TRPM3: variants seen among roughly 807,000 people sequenced by gnomAD.
TRPM3 encodes the protein long transient receptor potential channel 3.
In TRPM3, 77 loss-of-function variants were observed where a neutral mutation model predicts 181.2. The observed-to-expected ratio is 0.42, with a 90% CI of 0.35 to 0.51. The LOEUF is 0.51. Ranked by LOEUF, TRPM3 falls within the 20% of genes least tolerant of loss-of-function variation. TRPM3 has a pLI of 0.01. For synonymous variants in TRPM3, 745 were observed against 796.4 expected, an observed-to-expected ratio of 0.94 and a Z score of 1.09; for missense variants, 1,759 against 2,196.7, an observed-to-expected ratio of 0.80 and a Z score of 3.98.
At chr9:71,001,697 T>C (rs964098751) in intron 1 of TRPM3, among the ~76,000 whole-genome samples, 1 of 152,230 alleles carries the variant, frequency 6.6e-6, no homozygotes. Flanking sequence ...AGAAAATCAC[T>C]GTAACTGAAG....
intron 1 of TRPM3, among the ~76,000 whole-genome samples, chr9:71,227,188 T>A: frequency 7.3e-6 from 1 of 136,616 alleles, no homozygotes; most frequent in Non-Finnish European, 1.6e-5. Flanking sequence ...TAGAAATCAA[T>A]AACAAGAAGA....
At chr9:71,176,693 A>G (rs915581274) in intron 1 of TRPM3, among the ~76,000 whole-genome samples, 1 of 152,080 alleles carries the variant, frequency 6.6e-6, no homozygotes, top group South Asian at 2.1e-4. Context: ...ACTCACCCAG[A>G]GCAACTTCCA....
At chr9:70,782,794 T>TA (rs1418029493) in intron 7 of TRPM3, among the ~76,000 whole-genome samples, 1 of 151,870 alleles carries the variant, frequency 6.6e-6, no homozygotes. Context: ...TTATTATTAT[T>TA]TTTTGGTTTC....
chr9:71,138,065 G>A (rs1275542676), intron 1 of TRPM3, among the ~76,000 whole-genome samples: 1 of 151,640 alleles, frequency 6.6e-6, no homozygotes, highest in Non-Finnish European at 1.5e-5. Context: ...AGTGAGCCGA[G>A]ATCTTGCCAC....
chr9:71,218,567 C>T lies in TRPM3; in HGVS notation c.183+228086G>A, dbSNP rs546764026. 2.0e-4 allele frequency among the ~76,000 whole-genome samples: 31 copies of T among 152,266 alleles called. No homozygotes were observed. The South Asian group carries it at 6.4e-3, about 32-fold the overall frequency. On this transcript the variant is annotated intron_variant, in intron 1 of 24. Transcript: ENST00000357533. ...AGTGAATTTAATTTTCCATTATAGA[C>T]ATTGCATCCTTCATTTGGCTATCTG... is the stretch of plus-strand genomic sequence containing the variant.
intron 1 of TRPM3, among the ~76,000 whole-genome samples, chr9:70,884,880 G>T (rs866515648): frequency 6.6e-6 from 1 of 152,056 alleles, no homozygotes; most frequent in Non-Finnish European, 1.5e-5. Context: ...CTGGTCCCTC[G>T]CTCATAGATT....
chr9:71,172,580 A>AT (rs986271589), intron 1 of TRPM3, among the ~76,000 whole-genome samples: 10 of 151,858 alleles, frequency 6.6e-5, no homozygotes, highest in Non-Finnish European at 1.3e-4. Flanking sequence ...CTAACTTTTT[A>AT]TTTTTTGTAG....
intron 1 of TRPM3, among the ~76,000 whole-genome samples, chr9:71,233,416 A>G (rs542788679): frequency 6.6e-6 from 1 of 152,336 alleles, no homozygotes; most frequent in South Asian, 2.1e-4. Flanking sequence ...AAAATTATAT[A>G]CAGTTATCTT....
intron 1 of TRPM3, among the ~76,000 whole-genome samples, chr9:71,148,282 C>T (rs1054896290): frequency 6.6e-6 from 1 of 152,082 alleles, no homozygotes; most frequent in Non-Finnish European, 1.5e-5. Context: ...AAATAGTTCT[C>T]TAATTACTAG....
chr9:70,959,709 C>A (rs2097117509), intron 1 of TRPM3, among the ~76,000 whole-genome samples: 2 of 152,284 alleles, frequency 1.3e-5, no homozygotes, highest in South Asian at 4.1e-4. Context: ...AAAACTCAAA[C>A]CACCACAAAA....
Position 70,748,760 on chromosome 9 carries a change from C to T in TRPM3, c.1272+12841G>A, listed in dbSNP as rs79805356. Among the ~76,000 whole-genome samples the T allele has an allele frequency of 6.5e-3, 983 of 152,214 alleles. 16 individuals are homozygous for T. The highest frequency in any genetic ancestry group is 0.023 in the African/African-American group (939 of 41,538). ...ACTGTCCAGCCTCCAGAACTGTGAA[C>T]AATAAATCTCTGTTGTTTATAAACT... On this transcript the variant is annotated intron_variant, in intron 8 of 25. Transcript: ENST00000677713.
intron 1 of TRPM3, among the ~76,000 whole-genome samples, chr9:71,190,193 C>T (rs72733813): frequency 0.029 from 4,458 of 151,868 alleles, 99 homozygotes; most frequent in Non-Finnish European, 0.042. Flanking sequence ...CACATAGCTG[C>T]GCAATGTGGG....
chr9:70,599,404 GAAC>G (rs1302777033), intron 20 of TRPM3, among the ~76,000 whole-genome samples: 16 of 151,964 alleles, frequency 1.1e-4, no homozygotes, highest in South Asian at 8.3e-4. Context: ...GGAGACAAAT[GAAC>G]AACAACAACA....
In TRPM3 at chr9:70,531,298, G is replaced by T. The variant is rs1488194570; in HGVS notation, c.*4655C>A. The T allele has an allele frequency of 2.0e-5, 3 of 152,108 alleles. No individual in the cohort carries two copies. Among genetic ancestry groups the T allele is most frequent in the Admixed American group, 2.0e-4 (3 of 15,266 alleles). 9.4% of individuals were successfully genotyped at this position (152,108 alleles called of 1,614,324 possible). A position where few individuals can be genotyped will look rare whatever the true frequency, so the allele number is the denominator to read the frequency against. Reference sequence around the variant, plus strand: ...TTATTTGTTCAGTGCTTAAAAAAAAGATTTAAAAATCCCTTGGTTACTTTT... The same window carrying T: ...TTATTTGTTCAGTGCTTAAAAAAAATATTTAAAAATCCCTTGGTTACTTTT... On this transcript the variant is annotated 3_prime_UTR_variant, in exon 26 of 26. Transcript: ENST00000677713.
intron 1 of TRPM3, among the ~76,000 whole-genome samples, chr9:71,069,723 C>T (rs1456449173): frequency 2.6e-5 from 4 of 151,944 alleles, no homozygotes; most frequent in South Asian, 2.1e-4. Flanking sequence ...ATTCTCCTGC[C>T]TCAGCCTCCC....
rs1176165480 is a variant in TRPM3, at chr9:70,619,958, G to GTT, written c.2129+117_2129+118insAA. On this transcript the variant is annotated intron_variant, in intron 16 of 25. Transcript: ENST00000677713. ...AATTGTTTGTGTCCATCCTGTGTGTGCATCACTGGGGTGATACTGATTTCC... is the reference window on the plus strand; with the variant it reads ...AATTGTTTGTGTCCATCCTGTGTGTGTTCATCACTGGGGTGATACTGATTTCC... The GTT allele has an allele frequency of 6.4e-6, 6 of 936,488 alleles. No individual in the cohort carries two copies. In the East Asian group the frequency reaches 1.5e-4, roughly 24 times the overall value. The allele number at this position is 936,488 out of a possible 1,614,324, so 58.0% of individuals were successfully genotyped here.
intron 1 of TRPM3, among the ~76,000 whole-genome samples, chr9:70,927,699 C>A (rs2096734631): frequency 6.6e-6 from 1 of 152,108 alleles, no homozygotes; most frequent in Non-Finnish European, 1.5e-5. Context: ...TGTTTTGTAC[C>A]CCACAAAAGA....
chr9:70,631,398 G>A (rs2065846969), intron 12 of TRPM3, among the ~76,000 whole-genome samples: 1 of 146,058 alleles, frequency 6.8e-6, no homozygotes, highest in Non-Finnish European at 1.5e-5. Context: ...AAAGCTCTGG[G>A]TCTTAATTCC....
chr9:71,090,851 T>C (rs2066081190), intron 1 of TRPM3, among the ~76,000 whole-genome samples: 1 of 152,164 alleles, frequency 6.6e-6, no homozygotes, highest in African/African-American at 2.4e-5. Flanking sequence ...TTTAGTACTG[T>C]GCCGGGCATA....
Sources: allele counts gnomAD v4.1 joint callset (sites outside exome capture counted in the v4.1 genomes callset), GRCh38; gene constraint gnomAD v4.1.1; transcripts MANE v1.5; gene names NCBI Gene and HGNC (gene_info 2026-07-23, HGNC 2026-07-21).